The following C2CD3 variants were observed in gnomAD, a reference collection of about 807,000 sequenced individuals.
C2CD3 encodes C2 domain-containing protein 3.
C2CD3 carries 148 observed loss-of-function variants against 234.0 expected under a neutral mutation model. That is an observed-to-expected ratio of 0.63 (90% CI 0.55 to 0.72). C2CD3 has a LOEUF of 0.72. C2CD3 is among the 30% of genes least tolerant of loss of function. The pLI, the probability that C2CD3 is intolerant of heterozygous loss-of-function variation, is 0.00. For synonymous variants in C2CD3, 1,000 were observed against 1,035.4 expected (o/e 0.97, Z 0.66); for missense variants, 2,577 against 2,811.5 (o/e 0.92, Z 1.89).
At chr11:74,106,613 T>C (rs1013391656) in intron 12 of C2CD3, 120 bp from the exon 13 acceptor site, 3 of 913,682 alleles carry the variant, frequency 3.3e-6, no homozygotes, top group Admixed American at 5.5e-5. Flanking sequence ...AAAAGCTTAA[T>C]TATCTAAGAC....
At chr11:74,076,125 C>T (rs1253271321) in intron 23 of C2CD3, among the ~76,000 whole-genome samples, 1 of 152,190 alleles carries the variant, frequency 6.6e-6, no homozygotes, top group Non-Finnish European at 1.5e-5. Context: ...GAACTTGGTT[C>T]ACTTCAAGGA....
At chr11:74,125,840 A>G (rs1269986563) in intron 7 of C2CD3, among the ~76,000 whole-genome samples, 1 of 152,110 alleles carries the variant, frequency 6.6e-6, no homozygotes, top group African/African-American at 2.4e-5. Context: ...AAATTTGGTC[A>G]ATATATGTTC....
At chr11:74,079,912 A>T (rs1955262837) in intron 22 of C2CD3, among the ~76,000 whole-genome samples, 1 of 152,108 alleles carries the variant, frequency 6.6e-6, no homozygotes, top group Admixed American at 6.5e-5. Context: ...CAGATAGTAA[A>T]CATTTTAGGC....
chr11:74,122,064 C>G (rs1274866192), intron 8 of C2CD3, among the ~76,000 whole-genome samples: 2 of 152,242 alleles, frequency 1.3e-5, no homozygotes, highest in African/African-American at 2.4e-5. Context: ...CTTCACCTGA[C>G]ATGAAAAGCC....
At chr11:74,142,318 T>C (rs1381372305) in intron 3 of C2CD3, 1 of 152,208 alleles carries the variant, frequency 6.6e-6, no homozygotes, top group African/African-American at 2.4e-5. Flanking sequence ...CCATGAAAGA[T>C]TGTGAGGAGA....
Position 74,150,516 on chromosome 11 carries a change from CA to C in C2CD3, c.484-10689del, listed in dbSNP as rs1162306851. ...TCAAAAAAAAAAAAAAAAAAAAAAACAAAAAAAAAACAAAACAAATTTCTAA... is the reference window on the plus strand; with the variant it reads ...TCAAAAAAAAAAAAAAAAAAAAAAACAAAAAAAAACAAAACAAATTTCTAA... On this transcript the variant is annotated intron_variant, in intron 3 of 32. Coordinates refer to ENST00000334126, the MANE Select transcript of C2CD3 (RefSeq NM_001286577.2). Among the ~76,000 whole-genome samples the C allele has an allele frequency of 2.4e-3, 157 of 66,008 alleles. 1 individual carries two copies. Among genetic ancestry groups the C allele is most frequent in the African/African-American group, 5.1e-3 (71 of 14,004 alleles). The allele number at this position is 66,008 out of a possible 152,430, so 43.3% of individuals were successfully genotyped here.
chr11:74,166,173 C>T (rs12574650), intron 2 of C2CD3, among the ~76,000 whole-genome samples: 1 of 151,564 alleles, frequency 6.6e-6, no homozygotes, highest in Non-Finnish European at 1.5e-5. Context: ...AGCTGGGTGT[C>T]GTGGCGGGCA....
chr11:74,090,726 C>A (rs1210718052), intron 20 of C2CD3, 87 bp downstream of exon 20: 4 of 1,448,464 alleles, frequency 2.8e-6, no homozygotes, highest in African/African-American at 1.4e-5. Flanking sequence ...GGAAATTATA[C>A]CTAAGAAAGT....
chr11:74,056,630 G>A (rs11607335), intron 25 of C2CD3, among the ~76,000 whole-genome samples: 26,354 of 152,186 alleles, frequency 0.17, 2,537 homozygotes, highest in East Asian at 0.3. Flanking sequence ...GATGGAGTTG[G>A]AGACCAAGTG....
intron 11 of C2CD3, 56 bp from the exon 12 acceptor site, chr11:74,109,208 C>A: frequency 1.2e-6 from 1 of 847,390 alleles, no homozygotes; most frequent in East Asian, 2.9e-5. Flanking sequence ...AAGTCATCAT[C>A]AATTCATGCC....
At chr11:74,054,507 G>GAAAAAA (rs869085401) in intron 26 of C2CD3, 100 bp downstream of exon 26, 24 of 275,602 alleles carry the variant, frequency 8.7e-5, no homozygotes, top group South Asian at 2.6e-4. Context: ...ACTTGGTTTG[G>GAAAAAA]AAAAAAAAAA....
chr11:74,114,742 C>T (rs1956868254), intron 9 of C2CD3, 149 bp from the exon 10 acceptor site: 1 of 618,178 alleles, frequency 1.6e-6, no homozygotes, highest in African/African-American at 1.8e-5. Context: ...TGCTCTGTCA[C>T]CCAGGCTGGA....
Position 74,085,766 on chromosome 11 carries a change from G to GGCC in C2CD3, c.3759_3761dup (p.Ala1254dup). 6.2e-7 allele frequency: 1 copy of GGCC among 1,614,138 alleles called. No individual in the cohort carries two copies. The highest frequency in any genetic ancestry group is 8.5e-7 in the Non-Finnish European group (1 of 1,180,028). ...GGGAGAACTCAGGGCAGAAAGAACA[G>GGCC]GCCACAGGGTGGGTTCGGCGCTGTT... is the stretch of plus-strand genomic sequence containing the variant. On this transcript the variant is annotated inframe_insertion, in exon 21 of 33. Transcript: ENST00000334126.
intron 32 of C2CD3, among the ~76,000 whole-genome samples, chr11:74,022,759 G>C (rs900650701): frequency 5.9e-5 from 9 of 152,242 alleles, no homozygotes; most frequent in Admixed American, 2.0e-4. Context: ...CATCACAAGA[G>C]GGAAGAGAAA....
intron 22 of C2CD3, among the ~76,000 whole-genome samples, chr11:74,081,674 A>G (rs1375556714): frequency 6.6e-6 from 1 of 152,200 alleles, no homozygotes; most frequent in African/African-American, 2.4e-5. Context: ...GAAGGATGAT[A>G]GTATAATGTC....
chr11:74,163,516 C>T (rs1366237711), intron 2 of C2CD3, among the ~76,000 whole-genome samples: 3 of 152,176 alleles, frequency 2.0e-5, no homozygotes, highest in African/African-American at 7.2e-5. Flanking sequence ...TGCGGTTCTC[C>T]TTATCCTGTT....
At chr11:74,084,657 T>G (rs1955558896) in intron 22 of C2CD3, among the ~76,000 whole-genome samples, 1 of 151,922 alleles carries the variant, frequency 6.6e-6, no homozygotes, top group East Asian at 1.9e-4. Context: ...TTTTATTTTA[T>G]GAAATGAAGT....
At position 74,066,274 on chromosome 11, in the gene C2CD3, A is replaced by ACATCACACACT. The variant is rs1167157362; in HGVS notation, c.4951+7978_4951+7979insAGTGTGTGATG. On this transcript the variant is annotated intron_variant, in intron 24 of 32. Coordinates refer to ENST00000334126, the MANE Select transcript of C2CD3 (RefSeq NM_001286577.2). Reference sequence around the variant, plus strand: ...AGAACACTTGGACACAGGAGGGGGGAGGGATAGTGTTAGGAGATATACCTA... The same window carrying ACATCACACACT: ...AGAACACTTGGACACAGGAGGGGGGACATCACACACTGGGATAGTGTTAGGAGATATACCTA... 7.8e-3 allele frequency among the ~76,000 whole-genome samples: 341 copies of ACATCACACACT among 43,820 alleles called. 1 individual carries two copies. Among genetic ancestry groups the ACATCACACACT allele is most frequent in the Non-Finnish European group, 9.0e-3 (208 of 23,060 alleles). 28.7% of individuals were successfully genotyped at this position (43,820 alleles called of 152,430 possible).
At chr11:74,150,243 G>A (rs775821915) in intron 3 of C2CD3, among the ~76,000 whole-genome samples, 2 of 151,326 alleles carry the variant, frequency 1.3e-5, no homozygotes, top group Non-Finnish European at 2.9e-5. Context: ...TTTGAGAGGC[G>A]AGGCAGGTGG....
Sources: allele counts gnomAD v4.1 joint callset (sites outside exome capture counted in the v4.1 genomes callset), GRCh38; gene constraint gnomAD v4.1.1; transcripts MANE v1.5; gene names NCBI Gene and HGNC (gene_info 2026-07-23, HGNC 2026-07-21).